The following ABCD3 variants were observed in gnomAD, a reference collection of about 807,000 sequenced individuals.
The protein encoded by ABCD3 is ATP-binding cassette sub-family D member 3.
Under a neutral mutation model 105.5 loss-of-function variants are expected in ABCD3, and 41 were observed. That is an observed-to-expected ratio of 0.39 (90% CI 0.30 to 0.50). The LOEUF is 0.50. Among genes scored for constraint, ABCD3 ranks in the 20% least tolerant of loss-of-function variants. ABCD3 has a pLI of 0.84. For missense variants in ABCD3, 622 were observed against 806.3 expected, an observed-to-expected ratio of 0.77 and a Z score of 2.77; for synonymous variants, 258 against 269.0, an observed-to-expected ratio of 0.96 and a Z score of 0.40.
At chr1:94,436,396 A>G (rs926645337) in intron 1 of ABCD3, among the ~76,000 whole-genome samples, 4 of 152,232 alleles carry the variant, frequency 2.6e-5, no homozygotes, top group Admixed American at 2.0e-4. Flanking sequence ...TCTCCAAATA[A>G]TAATACAAAT....
chr1:94,464,803 T>C lies in ABCD3; in HGVS notation c.176T>C (p.Val59Ala), dbSNP rs1241046304. The C allele has an allele frequency of 6.2e-7, 1 of 1,613,932 alleles. No individual in the cohort carries two copies. The highest frequency in any genetic ancestry group is 2.2e-5 in the East Asian group (1 of 44,856). ...GAGGGGAAAAAGGAGCGAGCTGTGG[T>C]GGACAAGGTGTTTTTCTCAAGGCTC... is the stretch of plus-strand genomic sequence containing the variant. ...EKEGKKERAV[V>A]DKVFFSRLIQ... The change falls in exon 3 of 23, where the codon GTG (valine) becomes GCG (alanine). Residue 59 changes from valine to alanine, a missense_variant. This residue lies in a region of ABCD3 where 89 missense variants were observed against 77.5 expected (regional missense o/e 1.15). Coordinates refer to ENST00000370214, the MANE Select transcript of ABCD3 (RefSeq NM_002858.4).
At chr1:94,481,350 C>A (rs1021902663) in intron 9 of ABCD3, 1 of 152,142 alleles carries the variant, frequency 6.6e-6, no homozygotes, top group Non-Finnish European at 1.5e-5. Flanking sequence ...GTTCCCTCTT[C>A]CTTTATTTCC....
In ABCD3 at chr1:94,418,602, T is replaced by C; in HGVS notation, c.110+14T>C. On this transcript the variant is annotated intron_variant, in intron 1 of 22. Transcript: ENST00000370214. The stretch of plus-strand genomic sequence containing the variant: ...CGGCCTGCACGGGTAAGAAGGCCCG[T>C]AGCCGTGCAGCTTTCCCGGGCTGGA... The C allele has an allele frequency of 6.3e-7, 1 of 1,583,024 alleles. No homozygotes were observed. Among genetic ancestry groups the C allele is most frequent in the Non-Finnish European group, 8.5e-7 (1 of 1,170,586 alleles).
chr1:94,493,100 TCTAATTA>T (rs1649612252), intron 16 of ABCD3, among the ~76,000 whole-genome samples: 1 of 151,458 alleles, frequency 6.6e-6, no homozygotes, highest in Non-Finnish European at 1.5e-5. Flanking sequence ...ACAAATGGGA[TCTAATTA>T]AACTAAAGAG....
At chr1:94,438,668 C>G (rs1557663053) in intron 1 of ABCD3, among the ~76,000 whole-genome samples, 1 of 152,174 alleles carries the variant, frequency 6.6e-6, no homozygotes, top group Non-Finnish European at 1.5e-5. Flanking sequence ...CTTCAGCAAC[C>G]ACTGCCCTGT....
At chr1:94,416,875 C>CT (rs1197315485), upstream of ABCD3, among the ~76,000 whole-genome samples, 1 of 152,200 alleles carries the variant, frequency 6.6e-6, no homozygotes, top group East Asian at 1.9e-4. Flanking sequence ...CAAGAAGAAT[C>CT]TAGACAGGCC....
intron 3 of ABCD3, 147 bp downstream of exon 3, chr1:94,465,020 C>CG: frequency 1.4e-6 from 1 of 724,906 alleles, no homozygotes; most frequent in Non-Finnish European, 2.3e-6. Flanking sequence ...CCTCCACTTC[C>CG]GGGGAGGCCT....
In ABCD3 at chr1:94,464,826, C is replaced by T; in HGVS notation, c.199C>T (p.Leu67Phe). The change falls in exon 3 of 23, where the codon CTC becomes TTC. Residue 67 changes from leucine (L) to phenylalanine (F), a missense_variant. Physicochemically the swap from Leu to Phe is conservative, Grantham distance 22. Coordinates refer to ENST00000370214, the MANE Select transcript of ABCD3 (RefSeq NM_002858.4). ...GGTGGACAAGGTGTTTTTCTCAAGG[C>T]TCATACAGATTCTGAAAATCATGGT... ...AVVDKVFFSRLIQILKIMVPR... is the reference protein window; with the variant it reads ...AVVDKVFFSRFIQILKIMVPR... The T allele has an allele frequency of 6.2e-7, 1 of 1,613,610 alleles. No homozygotes were observed. Among genetic ancestry groups the T allele is most frequent in the Non-Finnish European group, 8.5e-7 (1 of 1,179,906 alleles).
the ABCD3 span, among the ~76,000 whole-genome samples, chr1:94,411,418 A>C: frequency 6.6e-6 from 1 of 152,188 alleles, no homozygotes; most frequent in Non-Finnish European, 1.5e-5. Context: ...TCAAAACCAC[A>C]ATGAGACACC....
chr1:94,469,901 G>A (rs1648368456), intron 4 of ABCD3, among the ~76,000 whole-genome samples: 2 of 152,092 alleles, frequency 1.3e-5, no homozygotes, highest in Admixed American at 1.3e-4. Context: ...TCCTGACCTT[G>A]TGGTCCTCCC....
intron 21 of ABCD3, chr1:94,514,779 G>A: frequency 5.4e-6 from 1 of 186,630 alleles, no homozygotes; most frequent in Admixed American, 5.5e-5. Context: ...TGAAAAGCAA[G>A]TTGACTGTCA....
the ABCD3 span, among the ~76,000 whole-genome samples, chr1:94,398,061 A>G: frequency 1.3e-5 from 2 of 152,174 alleles, no homozygotes; most frequent in East Asian, 1.9e-4. Flanking sequence ...TTATTCAATC[A>G]TAATTTTTAT....
upstream of ABCD3, among the ~76,000 whole-genome samples, chr1:94,417,008 T>G (rs994971734): frequency 6.6e-6 from 1 of 152,250 alleles, no homozygotes. Flanking sequence ...TTTCCAAGTA[T>G]CTTTGGGTCT....
intron 21 of ABCD3, among the ~76,000 whole-genome samples, chr1:94,510,341 T>G (rs1447638307): frequency 2.0e-5 from 3 of 152,212 alleles, no homozygotes; most frequent in Non-Finnish European, 4.4e-5. Context: ...TTGATTGCAC[T>G]GTGGTCTGAG....
At chr1:94,391,556 C>A in the ABCD3 span, among the ~76,000 whole-genome samples, 4 of 152,104 alleles carry the variant, frequency 2.6e-5, no homozygotes, top group Non-Finnish European at 5.9e-5. Context: ...AATTCCATGG[C>A]AATATCTTCT....
intron 1 of ABCD3, among the ~76,000 whole-genome samples, chr1:94,420,878 G>A (rs1193637919): frequency 6.6e-6 from 1 of 152,092 alleles, no homozygotes; most frequent in Non-Finnish European, 1.5e-5. Flanking sequence ...TGTCTATGTT[G>A]TTAATAGTAG....
At chr1:94,475,592 A>G (rs752358769) in intron 6 of ABCD3, 22 bp from the exon 7 acceptor site, 14 of 1,604,620 alleles carry the variant, frequency 8.7e-6, no homozygotes, top group Non-Finnish European at 1.2e-5. Context: ...TTTTAAAATC[A>G]CTTTTCTTCT....
intron 22 of ABCD3, 113 bp downstream of exon 22, chr1:94,515,315 T>C: frequency 1.2e-6 from 1 of 857,024 alleles, no homozygotes; most frequent in African/African-American, 1.7e-5. Flanking sequence ...ACATATGTCT[T>C]AAGGAGAAAA....
chr1:94,410,255 G>T, the ABCD3 span, among the ~76,000 whole-genome samples: 15 of 152,128 alleles, frequency 9.9e-5, no homozygotes, highest in Non-Finnish European at 1.9e-4. Flanking sequence ...ATAGTACTTT[G>T]ATTGTATATC....
Sources: gnomAD v4.1 joint callset for allele counts (sites outside exome capture counted in the v4.1 genomes callset) on GRCh38, gnomAD v4.1.1 for gene constraint, gnomAD v4.1.1 regional missense constraint, MANE v1.5 for transcripts, NCBI Gene and HGNC (gene_info 2026-07-23, HGNC 2026-07-21) for gene names.